The following RFX4 variants were observed in gnomAD, a reference collection of about 807,000 sequenced individuals.
RFX4 encodes the protein regulatory factor X4, also known as transcription factor RFX4.
A neutral mutation model predicts 95.0 loss-of-function variants in RFX4; 10 were observed. The ratio of observed to expected loss-of-function variants is 0.11; its 90% confidence interval spans 0.06 to 0.18. The LOEUF (loss-of-function observed/expected upper bound fraction) is 0.18, where lower values mean the gene tolerates loss of function less well. Among genes scored for constraint, RFX4 ranks in the 10% least tolerant of loss-of-function variants. The pLI, the probability that RFX4 is intolerant of heterozygous loss-of-function variation, is 1.00. For missense variants in RFX4, 640 were observed against 922.0 expected (o/e 0.69, Z 3.96); for synonymous variants, 321 against 340.7 (o/e 0.94, Z 0.64).
intron 13 of RFX4, among the ~76,000 whole-genome samples, chr12:106,726,237 G>C (rs1337558602): frequency 2.2e-5 from 3 of 136,090 alleles, no homozygotes; most frequent in Non-Finnish European, 4.6e-5. Context: ...AACAGAGCAA[G>C]ACTCCATCTA....
chr12:106,641,731 A>G (rs1007395237), intron 3 of RFX4, among the ~76,000 whole-genome samples: 1 of 152,170 alleles, frequency 6.6e-6, no homozygotes, highest in Admixed American at 6.5e-5. Context: ...AAAAGACATC[A>G]AGTTGTTCAA....
chr12:106,625,403 C>T (rs1207565759), intron 2 of RFX4, among the ~76,000 whole-genome samples: 3 of 151,990 alleles, frequency 2.0e-5, no homozygotes, highest in Non-Finnish European at 2.9e-5. Context: ...GTGAAGAAAC[C>T]GAGCAAGAGT....
At chr12:106,714,651 G>T (rs1403908991) in intron 10 of RFX4, among the ~76,000 whole-genome samples, 3 of 151,922 alleles carry the variant, frequency 2.0e-5, no homozygotes, top group Non-Finnish European at 4.4e-5. Context: ...TCAACTTGAT[G>T]ATATTGTTCC....
At chr12:106,669,934 G>T (rs940698161) in intron 4 of RFX4, among the ~76,000 whole-genome samples, 1 of 150,476 alleles carries the variant, frequency 6.6e-6, no homozygotes, top group Non-Finnish European at 1.5e-5. Context: ...TTTGAATCCT[G>T]GTTGTACCAC....
At chr12:106,715,240 T>A in intron 10 of RFX4, 160 bp from the exon 11 acceptor site, 1 of 732,492 alleles carries the variant, frequency 1.4e-6, no homozygotes, top group East Asian at 2.7e-5. Context: ...GTCTTCTGAG[T>A]TACAGAGTCT....
chr12:106,659,256 C>T (rs936273140), intron 4 of RFX4, among the ~76,000 whole-genome samples: 2 of 152,136 alleles, frequency 1.3e-5, no homozygotes, highest in Non-Finnish European at 2.9e-5. Context: ...GGCTTGGGGA[C>T]CCACAGTGAG....
At chr12:106,712,281 C>T (rs2042205829) in intron 10 of RFX4, among the ~76,000 whole-genome samples, 1 of 152,252 alleles carries the variant, frequency 6.6e-6, no homozygotes, top group South Asian at 2.1e-4. Context: ...TAAACACCCA[C>T]ATTTTTCTGT....
chr12:106,642,537 G>A (rs962916370), intron 3 of RFX4, among the ~76,000 whole-genome samples: 1 of 152,024 alleles, frequency 6.6e-6, no homozygotes, highest in Non-Finnish European at 1.5e-5. Flanking sequence ...TATCGCTTGA[G>A]CCTTGGAGAT....
intron 2 of RFX4, among the ~76,000 whole-genome samples, chr12:106,622,341 C>A (rs748826920): frequency 1.3e-5 from 2 of 151,904 alleles, no homozygotes; most frequent in African/African-American, 4.8e-5. Context: ...TAGAGATAAC[C>A]ATTCTTGATG....
At chr12:106,707,758 A>C (rs1202744762) in intron 8 of RFX4, among the ~76,000 whole-genome samples, 1 of 152,134 alleles carries the variant, frequency 6.6e-6, no homozygotes, top group African/African-American at 2.4e-5. Context: ...CAGTGGCTCA[A>C]GGAGATAGAG....
chr12:106,604,282 C>T (rs376404665), intron 1 of RFX4, among the ~76,000 whole-genome samples: 28 of 151,854 alleles, frequency 1.8e-4, no homozygotes, highest in East Asian at 1.4e-3. Flanking sequence ...TGCCCACACC[C>T]GGCTAATTTT....
chr12:106,736,709 C>A (rs2042714950), intron 15 of RFX4, among the ~76,000 whole-genome samples: 1 of 152,182 alleles, frequency 6.6e-6, no homozygotes, highest in South Asian at 2.1e-4. Flanking sequence ...TTCTCCATCA[C>A]ACTTCCCAAG....
chr12:106,623,578 G>A (rs2040229278), intron 2 of RFX4, among the ~76,000 whole-genome samples: 1 of 152,164 alleles, frequency 6.6e-6, no homozygotes. Flanking sequence ...CCCAGTACTT[G>A]GCACAGGACA....
At chr12:106,714,376 A>G (rs1021248045) in intron 10 of RFX4, among the ~76,000 whole-genome samples, 3 of 152,078 alleles carry the variant, frequency 2.0e-5, no homozygotes, top group Non-Finnish European at 4.4e-5. Context: ...TTAGAGATTC[A>G]CCTAACTCAT....
At chr12:106,590,964 A>AAAGG (rs962738716) in intron 1 of RFX4, among the ~76,000 whole-genome samples, 4 of 152,092 alleles carry the variant, frequency 2.6e-5, no homozygotes, top group South Asian at 4.1e-4. Flanking sequence ...AATAAAAAAG[A>AAAGG]AAGGAAGGAA....
chr12:106,630,863 A>G (rs575716951), intron 2 of RFX4, among the ~76,000 whole-genome samples: 1 of 152,228 alleles, frequency 6.6e-6, no homozygotes, highest in African/African-American at 2.4e-5. Flanking sequence ...GCAGATAATA[A>G]CTTCTCTAAA....
intron 4 of RFX4, among the ~76,000 whole-genome samples, chr12:106,676,220 C>A (rs192873051): frequency 2.0e-5 from 3 of 152,020 alleles, no homozygotes; most frequent in Non-Finnish European, 2.9e-5. Context: ...GTGCATGCTG[C>A]GTGGCTGGAT....
intron 17 of RFX4, among the ~76,000 whole-genome samples, chr12:106,754,580 TG>T (rs34963528): frequency 6.6e-6 from 1 of 152,166 alleles, no homozygotes; most frequent in Non-Finnish European, 1.5e-5. Flanking sequence ...GCTGGTTTTC[TG>T]GGGTGATATT....
chr12:106,733,804 A>C (rs945325010), intron 15 of RFX4, among the ~76,000 whole-genome samples: 8 of 152,208 alleles, frequency 5.3e-5, no homozygotes, highest in Non-Finnish European at 2.9e-5. Context: ...ATTAATTTAC[A>C]ACCAAGAATT....
Sources: gnomAD v4.1 joint callset for allele counts (sites outside exome capture counted in the v4.1 genomes callset) on GRCh38, gnomAD v4.1.1 for gene constraint, MANE v1.5 for transcripts, NCBI Gene and HGNC (gene_info 2026-07-23, HGNC 2026-07-21) for gene names.